Variants in MTA3 observed in about 807,000 individuals in gnomAD.
The protein encoded by MTA3 is metastasis associated 1 family member 3.
A neutral mutation model predicts 83.5 loss-of-function variants in MTA3; 34 were observed. The observed-to-expected ratio is 0.41, with a 90% CI of 0.31 to 0.54. The LOEUF is 0.54. Among genes scored for constraint, MTA3 ranks in the 20% least tolerant of loss-of-function variants. The pLI, the probability that MTA3 is intolerant of heterozygous loss-of-function variation, is 0.33. For missense variants in MTA3, 761 were observed against 726.4 expected, an observed-to-expected ratio of 1.05 and a Z score of -0.55; for synonymous variants, 303 against 252.7, an observed-to-expected ratio of 1.20 and a Z score of -1.89.
chr2:42,577,105 A>AAAAAAAAAATAT (rs1211189566), intron 2 of MTA3, among the ~76,000 whole-genome samples: 4 of 86,920 alleles, frequency 4.6e-5, no homozygotes, highest in African/African-American at 1.1e-4. Flanking sequence ...AAAAAAAAAA[A>AAAAAAAAAATAT]ATATATATAT....
intron 16 of MTA3, among the ~76,000 whole-genome samples, chr2:42,747,222 A>G (rs2104596737): frequency 6.7e-6 from 1 of 150,312 alleles, no homozygotes; most frequent in East Asian, 2.0e-4. Flanking sequence ...CTGGTCTTGA[A>G]CTCCTGACCT....
chr2:42,563,510 A>G (rs910529555), intron 2 of MTA3, among the ~76,000 whole-genome samples: 2 of 151,864 alleles, frequency 1.3e-5, no homozygotes, highest in African/African-American at 4.8e-5. Flanking sequence ...CTTTTCGCCC[A>G]GGCTGGAGTG....
chr2:42,624,310 A>G (rs543375712), intron 4 of MTA3, among the ~76,000 whole-genome samples: 177 of 151,666 alleles, frequency 1.2e-3, no homozygotes, highest in African/African-American at 4.2e-3. Flanking sequence ...ATTAACTTTA[A>G]TTTTTAATTT....
intron 9 of MTA3, among the ~76,000 whole-genome samples, chr2:42,691,026 A>T (rs1253504383): frequency 1.3e-5 from 2 of 151,680 alleles, no homozygotes; most frequent in African/African-American, 4.8e-5. Context: ...ACAGGTACAC[A>T]CCACCATGCC....
rs1404007818 is a variant in MTA3, at chr2:42,722,985, C to A, written c.1709C>A (p.Ser570Tyr). The A allele has an allele frequency of 6.4e-7, 1 of 1,551,168 alleles. No individual in the cohort carries two copies. Among genetic ancestry groups the A allele is most frequent in the East Asian group, 2.4e-5 (1 of 40,926 alleles). Residue 570 changes from serine to tyrosine, a missense_variant, in exon 16 of 17, where the codon TCT (serine) becomes TAT (tyrosine). Physicochemically the swap from Ser to Tyr is moderately radical, Grantham distance 144. Coordinates refer to ENST00000405094, the MANE Select transcript of MTA3 (RefSeq NM_001330442.2). ...KRMLTTPNHT[S>Y]LSILGKRNYS... ...ATGCTAACAACTCCAAATCACACAT[C>A]TCTGAGCATTCTGGGGAAAAGAAAC...
intron 16 of MTA3, among the ~76,000 whole-genome samples, chr2:42,725,836 G>A (rs1440372525): frequency 2.0e-5 from 3 of 152,212 alleles, no homozygotes; most frequent in Non-Finnish European, 4.4e-5. Flanking sequence ...ACAGCAAAGG[G>A]GAAGTGTGCT....
intron 5 of MTA3, among the ~76,000 whole-genome samples, chr2:42,643,543 A>G (rs1411965736): frequency 6.6e-6 from 1 of 152,224 alleles, no homozygotes; most frequent in African/African-American, 2.4e-5. Flanking sequence ...ATGTATATAT[A>G]TGTATGCCTC....
At chr2:42,571,659 A>G (rs1222663033) in intron 2 of MTA3, among the ~76,000 whole-genome samples, 4 of 152,126 alleles carry the variant, frequency 2.6e-5, no homozygotes, top group Non-Finnish European at 5.9e-5. Context: ...ATTGAAAGGA[A>G]TTGGCTGGGC....
chr2:42,579,298 T>C (rs1679363430), intron 3 of MTA3, 98 bp downstream of exon 3: 1 of 841,426 alleles, frequency 1.2e-6, no homozygotes, highest in Non-Finnish European at 1.8e-6. Context: ...CTTTTGCTTG[T>C]CCATTTATCT....
intron 8 of MTA3, among the ~76,000 whole-genome samples, chr2:42,661,106 C>T (rs1023025031): frequency 2.0e-5 from 3 of 152,162 alleles, no homozygotes; most frequent in African/African-American, 7.2e-5. Flanking sequence ...TTTGTTTTCT[C>T]CATTGGGACA....
intron 8 of MTA3, among the ~76,000 whole-genome samples, chr2:42,675,471 A>C (rs892979107): frequency 6.6e-6 from 1 of 152,154 alleles, no homozygotes; most frequent in Admixed American, 6.5e-5. Context: ...TGAGGTATAC[A>C]TATGGTAACA....
At chr2:42,569,188 TGGGGTG>T (rs550397050) in intron 1 of MTA3, among the ~76,000 whole-genome samples, 1,327 of 24,742 alleles carry the variant, frequency 0.054, 16 homozygotes, top group African/African-American at 0.15. Flanking sequence ...AGTGGGAGCC[TGGGGTG>T]GGGGTGGGGG....
At chr2:42,606,704 G>A (rs1170358091) in intron 3 of MTA3, among the ~76,000 whole-genome samples, 1 of 151,502 alleles carries the variant, frequency 6.6e-6, no homozygotes, top group Non-Finnish European at 1.5e-5. Context: ...CTGCAATCTC[G>A]GCACTTTGGG....
chr2:42,510,649 A>G (rs925160245), intron 2 of MTA3, among the ~76,000 whole-genome samples: 2 of 152,198 alleles, frequency 1.3e-5, no homozygotes, highest in Non-Finnish European at 2.9e-5. Context: ...ACTATAGAAA[A>G]TATGGGGAAA....
At chr2:42,717,276 G>A (rs539233413) in intron 14 of MTA3, among the ~76,000 whole-genome samples, 31 of 151,814 alleles carry the variant, frequency 2.0e-4, no homozygotes, top group African/African-American at 5.6e-4. Context: ...AATTCCCTGT[G>A]TGTATGCCCA....
intron 3 of MTA3, among the ~76,000 whole-genome samples, chr2:42,609,010 G>A (rs1388551663): frequency 6.6e-6 from 1 of 150,410 alleles, no homozygotes; most frequent in Non-Finnish European, 1.5e-5. Flanking sequence ...GGTTATAGTT[G>A]AACTGACAAG....
intron 2 of MTA3, among the ~76,000 whole-genome samples, chr2:42,555,547 T>A (rs1156892178): frequency 1.1e-4 from 14 of 132,228 alleles, no homozygotes; most frequent in South Asian, 2.4e-4. Flanking sequence ...GATCACGAGG[T>A]CAGGAGATCG....
At chr2:42,518,074 G>A (rs997104612) in intron 2 of MTA3, among the ~76,000 whole-genome samples, 43 of 151,538 alleles carry the variant, frequency 2.8e-4, no homozygotes, top group African/African-American at 4.8e-5. Context: ...CCAGCTACTC[G>A]GGAGGCTGAG....
At position 42,691,305 on chromosome 2, in the gene MTA3, G is replaced by A. The variant is rs141925674; in HGVS notation, c.892-4460G>A. 3.7e-3 allele frequency among the ~76,000 whole-genome samples: 561 copies of A among 152,126 alleles called. 3 individuals carry two copies. Among genetic ancestry groups the A allele is most frequent in the African/African-American group, 0.012 (492 of 41,498 alleles). On this transcript the variant is annotated intron_variant, in intron 9 of 16. Transcript: ENST00000405094. Reference sequence around the variant, plus strand: ...GATTACAGGCGTGAGCCACCACACCGCGGCCTATGAAATACTTTGATACAG... The same window carrying A: ...GATTACAGGCGTGAGCCACCACACCACGGCCTATGAAATACTTTGATACAG...
Sources: gnomAD v4.1 joint callset for allele counts (sites outside exome capture counted in the v4.1 genomes callset) on GRCh38, gnomAD v4.1.1 for gene constraint, MANE v1.5 for transcripts, NCBI Gene and HGNC (gene_info 2026-07-23, HGNC 2026-07-21) for gene names.